The following PPM1H variants were observed in gnomAD, a reference collection of about 807,000 sequenced individuals.
The protein encoded by PPM1H is protein phosphatase, Mg2+/Mn2+ dependent 1H, also known as protein phosphatase 1H.
In PPM1H, 27 loss-of-function variants were observed where a neutral mutation model predicts 54.9. That is an observed-to-expected ratio of 0.49 (90% CI 0.36 to 0.68). The LOEUF is 0.68. PPM1H is among the 30% of genes least tolerant of loss of function. PPM1H has a pLI of 0.00. For missense variants in PPM1H, 596 were observed against 667.8 expected (o/e 0.89, Z 1.19); for synonymous variants, 305 against 270.8 (o/e 1.13, Z -1.24).
intron 4 of PPM1H, among the ~76,000 whole-genome samples, chr12:62,767,120 G>T (rs1316836802): frequency 6.6e-6 from 1 of 152,170 alleles, no homozygotes; most frequent in Non-Finnish European, 1.5e-5. Flanking sequence ...GCTGACAAGA[G>T]GGGAGAGGTG....
intron 2 of PPM1H, among the ~76,000 whole-genome samples, chr12:62,817,278 C>T (rs1377101761): frequency 1.3e-5 from 2 of 149,792 alleles, no homozygotes; most frequent in East Asian, 1.9e-4. Flanking sequence ...CTGGCTAACA[C>T]GGTGAAACCC....
At chr12:62,780,766 G>C (rs2120678206) in intron 4 of PPM1H, among the ~76,000 whole-genome samples, 1 of 152,262 alleles carries the variant, frequency 6.6e-6, no homozygotes, top group African/African-American at 2.4e-5. Flanking sequence ...AGATGATCAG[G>C]CCCTGGAAAT....
At chr12:62,720,351 A>G (rs1161042750) in intron 5 of PPM1H, 62 bp from the exon 6 acceptor site, 2 of 1,324,214 alleles carry the variant, frequency 1.5e-6, no homozygotes, top group Non-Finnish European at 2.1e-6. Context: ...ACAAAATAAG[A>G]ATCAAGGATG....
chr12:62,667,230 C>T lies in PPM1H; in HGVS notation c.1345G>A (p.Ala449Thr). Residue 449 changes from alanine to threonine, a missense_variant, in exon 9 of 10, where the codon GCA becomes ACA. Around this residue, in one of 3 missense-constraint regions of PPM1H, gnomAD observed 208 missense variants for 259.5 expected, o/e 0.80. Coordinates refer to ENST00000228705, the MANE Select transcript of PPM1H (RefSeq NM_020700.2). ...LWDVLSNEEV[A>T]EAITQFLPNC... ...GGAAGAAACTGAGTGATTGCTTCTG[C>T]TACTTCTTCATTTGATAAAACGTCC... 6.2e-7 allele frequency: 1 copy of T among 1,600,536 alleles called. No homozygotes were observed. Among genetic ancestry groups the T allele is most frequent in the Non-Finnish European group, 8.6e-7 (1 of 1,167,856 alleles).
intron 1 of PPM1H, among the ~76,000 whole-genome samples, chr12:62,855,408 G>T (rs745724948): frequency 6.6e-6 from 1 of 152,154 alleles, no homozygotes; most frequent in Non-Finnish European, 1.5e-5. Context: ...GACACACGCA[G>T]AACCCAGAGA....
chr12:62,691,037 G>C lies in PPM1H; in HGVS notation c.1138-1231C>G, dbSNP rs6581457. 3.5e-3 allele frequency among the ~76,000 whole-genome samples: 528 copies of C among 152,260 alleles called. 7 individuals carry two copies. Among genetic ancestry groups the C allele is most frequent in the African/African-American group, 0.012 (495 of 41,544 alleles). ...GGTAAGGGAGATAAGAGGGAGATGT[G>C]TAATTAATAACACATAAAATATGGT... is the stretch of plus-strand genomic sequence containing the variant. On this transcript the variant is annotated intron_variant, in intron 7 of 9. Coordinates refer to ENST00000228705, the MANE Select transcript of PPM1H (RefSeq NM_020700.2).
At chr12:62,712,369 G>A (rs1398066076) in intron 6 of PPM1H, among the ~76,000 whole-genome samples, 2 of 152,212 alleles carry the variant, frequency 1.3e-5, no homozygotes, top group Non-Finnish European at 2.9e-5. Context: ...ACAAGTTGCT[G>A]AGAGGAAATG....
intron 1 of PPM1H, among the ~76,000 whole-genome samples, chr12:62,878,018 C>T (rs779149049): frequency 1.3e-5 from 2 of 151,782 alleles, no homozygotes; most frequent in Non-Finnish European, 2.9e-5. Flanking sequence ...CTGTCTCAGC[C>T]TCCTGAGTTG....
chr12:62,749,673 A>G (rs572789996), intron 4 of PPM1H, among the ~76,000 whole-genome samples: 53 of 152,360 alleles, frequency 3.5e-4, no homozygotes, highest in African/African-American at 1.2e-3. Flanking sequence ...TTCAATTTTC[A>G]GAATGGAAAC....
At chr12:62,820,563 GCAA>G (rs1304807505) in intron 2 of PPM1H, among the ~76,000 whole-genome samples, 4 of 152,220 alleles carry the variant, frequency 2.6e-5, no homozygotes, top group African/African-American at 9.6e-5. Context: ...CGATCAGGCA[GCAA>G]CATTTGCCGT....
intron 5 of PPM1H, among the ~76,000 whole-genome samples, chr12:62,725,024 C>T (rs1024438252): frequency 1.3e-5 from 2 of 152,198 alleles, no homozygotes; most frequent in Admixed American, 1.3e-4. Context: ...TAATCCACAA[C>T]AGCACTGGAA....
intron 1 of PPM1H, among the ~76,000 whole-genome samples, chr12:62,910,351 T>G (rs1183867031): frequency 6.6e-6 from 1 of 152,210 alleles, no homozygotes; most frequent in Non-Finnish European, 1.5e-5. Flanking sequence ...TCTTTTGTAG[T>G]TCAGGAAAAG....
At chr12:62,815,623 T>C (rs1283492083) in intron 2 of PPM1H, among the ~76,000 whole-genome samples, 1 of 152,134 alleles carries the variant, frequency 6.6e-6, no homozygotes, top group Non-Finnish European at 1.5e-5. Flanking sequence ...ACAACAACAA[T>C]AGATAATATT....
At chr12:62,926,114 C>T (rs1173442307) in intron 1 of PPM1H, among the ~76,000 whole-genome samples, 2 of 152,114 alleles carry the variant, frequency 1.3e-5, no homozygotes, top group Non-Finnish European at 2.9e-5. Flanking sequence ...AGTCTCTCTC[C>T]CAAAAATTCA....
At chr12:62,662,127 C>G (rs1265995166) in intron 9 of PPM1H, among the ~76,000 whole-genome samples, 1 of 152,166 alleles carries the variant, frequency 6.6e-6, no homozygotes, top group Non-Finnish European at 1.5e-5. Flanking sequence ...ACGCTGCCCA[C>G]AGGTTACCAC....
chr12:62,812,375 TTTGC>T (rs1427625244), intron 2 of PPM1H, among the ~76,000 whole-genome samples: 1 of 152,146 alleles, frequency 6.6e-6, no homozygotes, highest in African/African-American at 2.4e-5. Context: ...TAACCTTATT[TTTGC>T]TCCAGATAAA....
In PPM1H at chr12:62,804,673, TTTC is replaced by T. The variant is rs1286771793; in HGVS notation, c.412-2516_412-2514del. 8.4e-5 allele frequency among the ~76,000 whole-genome samples: 12 copies of T among 142,354 alleles called. 1 individual carries two copies. The highest frequency in any genetic ancestry group is 3.0e-4 in the African/African-American group (11 of 36,818). The allele number at this position is 142,354 out of a possible 152,430, so 93.4% of individuals were successfully genotyped here. The stretch of plus-strand genomic sequence containing the variant: ...CTTCATTTTGGTTAATTTCTTTTTT[TTTC>T]TTTTTTTTTTTTTTTTTGAGACGGA... On this transcript the variant is annotated intron_variant, in intron 2 of 9. Coordinates refer to ENST00000228705, the MANE Select transcript of PPM1H (RefSeq NM_020700.2).
intron 4 of PPM1H, among the ~76,000 whole-genome samples, chr12:62,750,939 T>C (rs2076439362): frequency 6.6e-6 from 1 of 152,210 alleles, no homozygotes; most frequent in African/African-American, 2.4e-5. Flanking sequence ...TAGTGCAGGG[T>C]CAATATCTAA....
intron 2 of PPM1H, among the ~76,000 whole-genome samples, chr12:62,805,047 G>A (rs966196175): frequency 2.0e-5 from 3 of 152,030 alleles, no homozygotes; most frequent in African/African-American, 7.2e-5. Context: ...ATTAAAAAAC[G>A]GACAAAGGAT....
Sources: allele counts gnomAD v4.1 joint callset (sites outside exome capture counted in the v4.1 genomes callset), GRCh38; gene constraint gnomAD v4.1.1; regional missense constraint gnomAD v4.1.1; transcripts MANE v1.5; gene names NCBI Gene and HGNC (gene_info 2026-07-23, HGNC 2026-07-21).